The following PLCG1 variants were observed in gnomAD, a reference collection of about 807,000 sequenced individuals.
PLCG1 encodes the protein 1-phosphatidylinositol 4,5-bisphosphate phosphodiesterase gamma-1.
Under a neutral mutation model 177.8 loss-of-function variants are expected in PLCG1, and 71 were observed. The observed-to-expected ratio is 0.40, with a 90% CI of 0.33 to 0.49. The LOEUF (loss-of-function observed/expected upper bound fraction) is 0.49. Among genes scored for constraint, PLCG1 ranks in the 20% least tolerant of loss-of-function variants. PLCG1 has a pLI of 0.72. For synonymous variants in PLCG1, 658 were observed against 647.9 expected (o/e 1.02, Z -0.24); for missense variants, 1,281 against 1,709.0 (o/e 0.75, Z 4.42).
Position 41,144,869 on chromosome 20 carries a change from A to C in PLCG1, c.217+7011A>C, listed in dbSNP as rs934650028. On this transcript the variant is annotated intron_variant, in intron 1 of 31. Coordinates refer to ENST00000685551, the MANE Select transcript of PLCG1 (RefSeq NM_002660.3). The surrounding 1 kb of genome is among the most constrained non-coding windows in gnomAD (Gnocchi z 4.1). ...CCATACCTACTCTCCTTAAAAAAAA[A>C]CAAAAAACTAGCTTTCTTGGGCCTC... 6.6e-6 allele frequency among the ~76,000 whole-genome samples: 1 copy of C among 152,104 alleles called. No homozygotes were observed. The highest frequency in any genetic ancestry group is 1.5e-5 in the Non-Finnish European group (1 of 68,032).
chr20:41,153,046 G>A lies in PLCG1; in HGVS notation c.218-6560G>A, dbSNP rs1404808861. On this transcript the variant is annotated intron_variant, in intron 1 of 31. Transcript: ENST00000685551. The surrounding 1 kb of genome is among the most constrained non-coding windows in gnomAD (Gnocchi z 5.1). Reference sequence around the variant, plus strand: ...GGCACACAGGCCTTGAGGGGTTCTGGGGTCCACAGGCCACAGGTGGGGGTA... The same window carrying A: ...GGCACACAGGCCTTGAGGGGTTCTGAGGTCCACAGGCCACAGGTGGGGGTA... Among the ~76,000 whole-genome samples the A allele has an allele frequency of 6.6e-6, 1 of 152,190 alleles. No individual in the cohort carries two copies. The highest frequency in any genetic ancestry group is 1.5e-5 in the Non-Finnish European group (1 of 68,034).
chr20:41,140,046 T>A (rs1005063312), intron 1 of PLCG1, among the ~76,000 whole-genome samples: 6 of 152,050 alleles, frequency 3.9e-5, no homozygotes, highest in African/African-American at 1.5e-4. Context: ...TCATGCCTCA[T>A]GTATTTGGGG....
rs1433349185 is a variant in PLCG1, at chr20:41,176,186, G to A, written c.*1677G>A. On this transcript the variant is annotated 3_prime_UTR_variant, in exon 32 of 32. Transcript: ENST00000685551. Reference sequence around the variant, plus strand: ...TTTCCATAGTTGGCTGTGCTGGGATGGAACAAAAATGACGCCACACAAAAA... The same window carrying A: ...TTTCCATAGTTGGCTGTGCTGGGATAGAACAAAAATGACGCCACACAAAAA... 1 of 152,174 alleles carries A rather than the reference G, an allele frequency of 6.6e-6. No individual in the cohort carries two copies. Among genetic ancestry groups the A allele is most frequent in the African/African-American group, 2.4e-5 (1 of 41,436 alleles). The allele number at this position is 152,174 out of a possible 1,614,324, so 9.4% of individuals were successfully genotyped here. A position where few individuals can be genotyped will look rare whatever the true frequency, so the allele number is the denominator to read the frequency against.
intron 4 of PLCG1, among the ~76,000 whole-genome samples, chr20:41,161,987 C>G (rs760454440): frequency 5.3e-5 from 8 of 152,100 alleles, no homozygotes; most frequent in African/African-American, 1.9e-4. Context: ...GAGGACCAAA[C>G]TCCCAGCATC....
chr20:41,154,081 G>A (rs2035246966), intron 1 of PLCG1, among the ~76,000 whole-genome samples: 1 of 152,184 alleles, frequency 6.6e-6, no homozygotes, highest in African/African-American at 2.4e-5. Context: ...GTCCAATGAA[G>A]GAGGTGCCAG....
chr20:41,165,906 C>T lies in PLCG1; in HGVS notation c.1799+80C>T. On this transcript the variant is annotated intron_variant, in intron 16 of 31. Transcript: ENST00000685551. The surrounding 1 kb of genome is among the most constrained non-coding windows in gnomAD (Gnocchi z 6.6). ...ACATCACCCAGAGATAATCAGTTAA[C>T]ATTTGAGCCTTTGATCCAGGACAAT... The T allele has an allele frequency of 8.3e-7, 1 of 1,200,600 alleles. No individual in the cohort carries two copies. Among genetic ancestry groups the T allele is most frequent in the Non-Finnish European group, 1.2e-6 (1 of 852,324 alleles). 74.4% of individuals were successfully genotyped at this position (1,200,600 alleles called of 1,614,324 possible).
In PLCG1 at chr20:41,173,687, C is replaced by A; in HGVS notation, c.3430C>A (p.Pro1144Thr). The change falls in exon 29 of 32, where the codon CCC (proline) becomes ACC (threonine). Residue 1144 changes from proline to threonine, a missense_variant. Transcript: ENST00000685551. The surrounding 1 kb of genome is among the most constrained non-coding windows in gnomAD (Gnocchi z 6.2). ...ACTCAACCCTGTATGGCCAGCCAAG[C>A]CCTTCCACTTCCAGATCAGTAACCC... ...NGLNPVWPAK[P>T]FHFQISNPEF... 6.2e-7 allele frequency: 1 copy of A among 1,614,198 alleles called. No individual in the cohort carries two copies. Among genetic ancestry groups the A allele is most frequent in the Non-Finnish European group, 8.5e-7 (1 of 1,180,024 alleles).
chr20:41,166,800 C>T lies in PLCG1; in HGVS notation c.2242C>T (p.Arg748Cys). Residue 748 changes from arginine to cysteine, a missense_variant, in exon 19 of 32, where the codon CGC becomes TGC. Physicochemically the swap from Arg to Cys is radical, Grantham distance 180. Transcript: ENST00000685551. This position sits in a 1 kb window ranked among gnomAD's most constrained non-coding sequence, Gnocchi z 8.6. ...CTACTATGAGAAACACCCGCTATAC[C>T]GCAAGATGAAGCTGCGCTATCCCAT... ...ISYYEKHPLY[R>C]KMKLRYPINE... 4 of 1,614,114 alleles carry T rather than the reference C, an allele frequency of 2.5e-6. No individual in the cohort carries two copies. The highest frequency in any genetic ancestry group is 3.4e-6 in the Non-Finnish European group (4 of 1,180,000).
At position 41,162,975 on chromosome 20, in the gene PLCG1, G is replaced by A; in HGVS notation, c.699G>A (p.Leu233=). The A allele has an allele frequency of 6.2e-7, 1 of 1,614,052 alleles. No homozygotes were observed. Among genetic ancestry groups the A allele is most frequent in the Non-Finnish European group, 8.5e-7 (1 of 1,179,944 alleles). The part of the protein sequence containing the change: ...SAQKTMDLPF[L]EASTLRAGER... Reference sequence around the variant, plus strand: ...TCCTGCAGATGGACCTCCCCTTCTTGGAAGCCAGTACTCTGAGGTTTGGTT... The same window carrying A: ...TCCTGCAGATGGACCTCCCCTTCTTAGAAGCCAGTACTCTGAGGTTTGGTT... The change falls in exon 7 of 32, where the codon TTG becomes TTA. Residue 233 remains leucine (L), a synonymous_variant. Coordinates refer to ENST00000685551, the MANE Select transcript of PLCG1 (RefSeq NM_002660.3).
At chr20:41,138,068 C>A (rs903458997) in intron 1 of PLCG1, 4 of 383,780 alleles carry the variant, frequency 1.0e-5, no homozygotes, top group Admixed American at 9.0e-5. Context: ...AGGACACCCC[C>A]CCTCCCCCAG....
chr20:41,169,061 A>T lies in PLCG1; in HGVS notation c.2484-18A>T. ...TTCGGGGTGGTTGCTGGAGGTCAGC[A>T]CCCTGTGGCTCCCACAGGTGGCGAG... is the stretch of plus-strand genomic sequence containing the variant. On this transcript the variant is annotated intron_variant, in intron 21 of 31. Transcript: ENST00000685551. 1 of 1,589,858 alleles carries T rather than the reference A, an allele frequency of 6.3e-7. No individual in the cohort carries two copies. The highest frequency in any genetic ancestry group is 8.6e-7 in the Non-Finnish European group (1 of 1,157,904).
intron 1 of PLCG1, among the ~76,000 whole-genome samples, chr20:41,143,485 G>A (rs953320266): frequency 1.1e-4 from 16 of 152,212 alleles, no homozygotes; most frequent in African/African-American, 3.6e-4. Flanking sequence ...ATAGGAGGAT[G>A]GGAATGTTCT....
At chr20:41,138,435 T>G (rs527795899) in intron 1 of PLCG1, among the ~76,000 whole-genome samples, 11 of 151,346 alleles carry the variant, frequency 7.3e-5, no homozygotes, top group African/African-American at 2.7e-4. Flanking sequence ...AGGAAGGTGG[T>G]CTTGTTTGGT....
rs368992282 is a variant in PLCG1, at chr20:41,174,371, G to T, written c.3833+60G>T. On this transcript the variant is annotated intron_variant, in intron 31 of 31. Transcript: ENST00000685551. This position sits in a 1 kb window ranked among gnomAD's most constrained non-coding sequence, Gnocchi z 5.8. Reference sequence around the variant, plus strand: ...GCAGTGGCTAGGTCCTCCTTCTTCAGTGTTTCTTTCTCCTGGGTAGAAAAG... The same window carrying T: ...GCAGTGGCTAGGTCCTCCTTCTTCATTGTTTCTTTCTCCTGGGTAGAAAAG... The T allele has an allele frequency of 6.2e-7, 1 of 1,602,668 alleles. No homozygotes were observed.
rs771006910 is a variant in PLCG1 at position 41,169,494 on chromosome 20, G to C, written c.2618G>C (p.Arg873Pro). The change falls in exon 23 of 32, where the codon CGG becomes CCG. Residue 873 changes from arginine (R) to proline (P), a missense_variant. By Grantham distance (103) the Arg-to-Pro change is moderately radical. Transcript: ENST00000685551. ...DENSPLGDLL[R>P]GVLDVPACQI... ...AACAGCCCCCTAGGGGACTTGCTGC[G>C]GGGGGTCTTGGATGTGCCGGCTTGT... 1 of 1,613,386 alleles carries C rather than the reference G, an allele frequency of 6.2e-7. No homozygotes were observed. Among genetic ancestry groups the C allele is most frequent in the Non-Finnish European group, 8.5e-7 (1 of 1,179,444 alleles).
chr20:41,159,550 C>G lies in PLCG1; in HGVS notation c.218-56C>G. 2 of 1,581,284 alleles carry G rather than the reference C, an allele frequency of 1.3e-6. No homozygotes were observed. Among genetic ancestry groups the G allele is most frequent in the Non-Finnish European group, 8.6e-7 (1 of 1,159,108 alleles). ...TGAGGAAACCAGGCTGCCCTCCTTT[C>G]GGTGTTGACTCTGGGAGACCCCAGC... On this transcript the variant is annotated intron_variant, in intron 1 of 31. Transcript: ENST00000685551. The surrounding 1 kb of genome is among the most constrained non-coding windows in gnomAD (Gnocchi z 6.0).
chr20:41,173,290 A>C lies in PLCG1; in HGVS notation c.3280-130A>C. ...GGTCCCTGATGTCGTGAGGGACTCC[A>C]TGGGCAGTGTCCCGGGGGCCCAGCA... On this transcript the variant is annotated intron_variant, in intron 27 of 31. Coordinates refer to ENST00000685551, the MANE Select transcript of PLCG1 (RefSeq NM_002660.3). This position sits in a 1 kb window ranked among gnomAD's most constrained non-coding sequence, Gnocchi z 6.2. The C allele has an allele frequency of 1.1e-6, 1 of 899,238 alleles. No individual in the cohort carries two copies. Among genetic ancestry groups the C allele is most frequent in the East Asian group, 2.7e-5 (1 of 37,588 alleles). 55.7% of individuals were successfully genotyped at this position (899,238 alleles called of 1,614,324 possible).
At chr20:41,170,031 T>G in intron 23 of PLCG1, 81 bp from the exon 24 acceptor site, 52 of 1,287,768 alleles carry the variant, frequency 4.0e-5, no homozygotes, top group Non-Finnish European at 5.0e-5. Context: ...AGAACTCATT[T>G]GAGCCAGTGC....
rs191579805 is a variant in PLCG1, at chr20:41,159,829, G to C, written c.371-41G>C. The stretch of plus-strand genomic sequence containing the variant: ...GCCTGCTGGCTCCTGCCCAGTGGGA[G>C]GTATGTGCCCTCGGGGCAGCTATTG... On this transcript the variant is annotated intron_variant, in intron 2 of 31. Coordinates refer to ENST00000685551, the MANE Select transcript of PLCG1 (RefSeq NM_002660.3). This position sits in a 1 kb window ranked among gnomAD's most constrained non-coding sequence, Gnocchi z 6.0. 4 of 1,611,688 alleles carry C rather than the reference G, an allele frequency of 2.5e-6. No individual in the cohort carries two copies. The highest frequency in any genetic ancestry group is 1.1e-5 in the South Asian group (1 of 91,038).
Sources: gnomAD v4.1 joint callset for allele counts (sites outside exome capture counted in the v4.1 genomes callset) on GRCh38, gnomAD v4.1.1 for gene constraint, Gnocchi (gnomAD v3.1) non-coding constraint, MANE v1.5 for transcripts, NCBI Gene and HGNC (gene_info 2026-07-23, HGNC 2026-07-21) for gene names.